Variants in RBPMS observed in about 807,000 individuals in gnomAD.
The protein encoded by RBPMS is RNA binding protein, mRNA processing factor.
RBPMS carries 7 observed loss-of-function variants against 26.8 expected under a neutral mutation model. The observed-to-expected ratio is 0.26, with a 90% CI of 0.15 to 0.49. RBPMS has a LOEUF of 0.49. Among genes scored for constraint, RBPMS ranks in the 20% least tolerant of loss-of-function variants. The pLI, the probability that RBPMS is intolerant of heterozygous loss-of-function variation, is 0.98. For synonymous variants in RBPMS, 96 were observed against 93.3 expected (o/e 1.03, Z -0.17); for missense variants, 186 against 250.0 (o/e 0.74, Z 1.73).
intron 5 of RBPMS, among the ~76,000 whole-genome samples, chr8:30,530,936 T>G (rs911384879): frequency 6.6e-6 from 1 of 152,102 alleles, no homozygotes; most frequent in African/African-American, 2.4e-5. Context: ...ACCAAAACAT[T>G]ATACCAATCC....
intron 5 of RBPMS, among the ~76,000 whole-genome samples, chr8:30,514,680 CTTTTT>C (rs577244764): frequency 2.4e-4 from 20 of 82,652 alleles, no homozygotes; most frequent in East Asian, 6.1e-4. Flanking sequence ...CCATGCCGGG[CTTTTT>C]TTTTTTTTTT....
chr8:30,434,283 A>AT lies in RBPMS; in HGVS notation c.67-40490dup, dbSNP rs555625902. On this transcript the variant is annotated intron_variant, in intron 1 of 8. Coordinates refer to ENST00000397323, the MANE Select transcript of RBPMS (RefSeq NM_001008710.3). ...TTAGGTCCAGTACTGGGGATCTGTG[A>AT]TTTTTTAATTGCTACAACTTCTAGG... Among the ~76,000 whole-genome samples the AT allele has an allele frequency of 1.3e-4, 20 of 152,222 alleles. 1 individual carries two copies. The highest frequency in any genetic ancestry group is 9.6e-4 in the East Asian group (5 of 5,186).
intron 4 of RBPMS, among the ~76,000 whole-genome samples, chr8:30,488,894 A>C (rs867048070): frequency 2.8e-4 from 43 of 152,198 alleles, no homozygotes; most frequent in African/African-American, 9.2e-4. Flanking sequence ...TGGGTGTCCG[A>C]ATCCAGCGGA....
chr8:30,480,097 A>G (rs982002086), intron 4 of RBPMS, among the ~76,000 whole-genome samples: 5 of 152,246 alleles, frequency 3.3e-5, no homozygotes, highest in African/African-American at 1.2e-4. Flanking sequence ...TCAGATGCTG[A>G]GGATGAATCC....
At chr8:30,545,613 C>T (rs1825805762) in intron 6 of RBPMS, 1 of 202,470 alleles carries the variant, frequency 4.9e-6, no homozygotes, top group African/African-American at 2.4e-5. Context: ...AAATAAACAG[C>T]TTCCCAGAAA....
chr8:30,441,035 T>C (rs1271946090), intron 1 of RBPMS, among the ~76,000 whole-genome samples: 1 of 151,712 alleles, frequency 6.6e-6, no homozygotes, highest in East Asian at 1.9e-4. Context: ...TGTCTTGCTA[T>C]GATGCCCAGG....
In RBPMS at chr8:30,522,324, AAACAAC is replaced by A. The variant is rs144638380; in HGVS notation, c.397+17912_397+17917del. ...GCAACAAGAAAGAAACTCCACCTCA[AAACAAC>A]AACAACAACAACAACAACAACAAAC... is the stretch of plus-strand genomic sequence containing the variant. On this transcript the variant is annotated intron_variant, in intron 5 of 8. Transcript: ENST00000397323. 2.4e-3 allele frequency among the ~76,000 whole-genome samples: 360 copies of A among 151,028 alleles called. 1 individual carries two copies. The highest frequency in any genetic ancestry group is 7.6e-3 in the African/African-American group (314 of 41,130).
At chr8:30,449,632 A>G (rs4537263) in intron 1 of RBPMS, among the ~76,000 whole-genome samples, 37,508 of 151,930 alleles carry the variant, frequency 0.25, 4,993 homozygotes, top group East Asian at 0.42. Context: ...CAGCCTCCCA[A>G]AGTGCTGGGA....
At chr8:30,427,084 C>G (rs1035188028) in intron 1 of RBPMS, among the ~76,000 whole-genome samples, 1 of 152,220 alleles carries the variant, frequency 6.6e-6, no homozygotes, top group African/African-American at 2.4e-5. Context: ...AGCCACCACG[C>G]CAGGCCGACC....
chr8:30,445,649 G>GAGATATATATAT (rs1198019611), intron 1 of RBPMS, among the ~76,000 whole-genome samples: 1 of 107,368 alleles, frequency 9.3e-6, no homozygotes, highest in Non-Finnish European at 1.9e-5. Context: ...TATACACACG[G>GAGATATATATAT]ATATATATAT....
At position 30,384,816 on chromosome 8, in the gene RBPMS, G is replaced by A. The variant is rs980757577; in HGVS notation, c.-277G>A. 1.3e-5 allele frequency: 4 copies of A among 305,052 alleles called. No individual in the cohort carries two copies. The highest frequency in any genetic ancestry group is 1.1e-4 in the East Asian group (2 of 17,946). The allele number at this position is 305,052 out of a possible 1,614,324, so 18.9% of individuals were successfully genotyped here. A position where few individuals can be genotyped will look rare whatever the true frequency, so the allele number is the denominator to read the frequency against. ...TCCCTCTCCAGGTCGCCCTCCCGGGGCCCGATTGTCTCGGTGCCCCGCTCC... is the reference window on the plus strand; with the variant it reads ...TCCCTCTCCAGGTCGCCCTCCCGGGACCCGATTGTCTCGGTGCCCCGCTCC... On this transcript the variant is annotated 5_prime_UTR_variant, in exon 1 of 9. Coordinates refer to ENST00000397323, the MANE Select transcript of RBPMS (RefSeq NM_001008710.3). This position sits in a 1 kb window ranked among gnomAD's most constrained non-coding sequence, Gnocchi z 5.6.
intron 5 of RBPMS, among the ~76,000 whole-genome samples, chr8:30,526,975 G>A (rs1823652191): frequency 6.6e-6 from 1 of 152,082 alleles, no homozygotes; most frequent in Non-Finnish European, 1.5e-5. Flanking sequence ...AAAGTGCCAG[G>A]GTGATGATTC....
intron 1 of RBPMS, among the ~76,000 whole-genome samples, chr8:30,431,800 A>G (rs1318499796): frequency 6.6e-6 from 1 of 152,050 alleles, no homozygotes; most frequent in Non-Finnish European, 1.5e-5. Context: ...CTGATTATAC[A>G]AGTCTGCTAT....
At chr8:30,526,047 G>C (rs1399400638) in intron 5 of RBPMS, among the ~76,000 whole-genome samples, 4 of 152,200 alleles carry the variant, frequency 2.6e-5, no homozygotes, top group Non-Finnish European at 2.9e-5. Flanking sequence ...TGATAGATGG[G>C]GGATCCCCAT....
At chr8:30,500,339 TC>T (rs1374257474) in intron 4 of RBPMS, among the ~76,000 whole-genome samples, 4 of 136,868 alleles carry the variant, frequency 2.9e-5, no homozygotes, top group African/African-American at 1.1e-4. Flanking sequence ...TTGTTGAGTA[TC>T]TTTTTTTTTT....
chr8:30,423,419 G>T (rs548511674), intron 1 of RBPMS, among the ~76,000 whole-genome samples: 3 of 152,246 alleles, frequency 2.0e-5, no homozygotes, highest in African/African-American at 7.2e-5. Flanking sequence ...TACCTCGGAG[G>T]GGACAGTGAG....
At chr8:30,424,397 C>A (rs531764889) in intron 1 of RBPMS, among the ~76,000 whole-genome samples, 1 of 152,170 alleles carries the variant, frequency 6.6e-6, no homozygotes, top group Non-Finnish European at 1.5e-5. Flanking sequence ...AAGTTGCTAT[C>A]ATTGTTATAA....
At chr8:30,442,552 T>C (rs1813214037) in intron 1 of RBPMS, 1 of 152,204 alleles carries the variant, frequency 6.6e-6, no homozygotes, top group African/African-American at 2.4e-5. Flanking sequence ...ACCCCCGCAG[T>C]CTTCCTGGAA....
intron 1 of RBPMS, among the ~76,000 whole-genome samples, chr8:30,447,573 A>G (rs1329735319): frequency 1.3e-5 from 2 of 152,216 alleles, no homozygotes; most frequent in African/African-American, 2.4e-5. Flanking sequence ...TCACCCATGT[A>G]GAAAAAGATC....
Sources: gnomAD v4.1 joint callset for allele counts (sites outside exome capture counted in the v4.1 genomes callset) on GRCh38, gnomAD v4.1.1 for gene constraint, Gnocchi (gnomAD v3.1) non-coding constraint, MANE v1.5 for transcripts, NCBI Gene and HGNC (gene_info 2026-07-23, HGNC 2026-07-21) for gene names.